GBE1: variants seen among roughly 807,000 people sequenced by gnomAD.
GBE1 encodes the protein 1,4-alpha-glucan-branching enzyme.
Under a neutral mutation model 88.8 loss-of-function variants are expected in GBE1, and 70 were observed. That is an observed-to-expected ratio of 0.79 (90% CI 0.65 to 0.96). GBE1 has a LOEUF of 0.96. Ranked by LOEUF, GBE1 falls within the 40% of genes least tolerant of loss-of-function variation. The probability of loss-of-function intolerance (pLI) is 0.00; values close to 1 mark genes in which losing one functional copy is unlikely to be tolerated. For synonymous variants in GBE1, 284 were observed against 300.1 expected (o/e 0.95, Z 0.56); for missense variants, 872 against 871.0 (o/e 1.00, Z -0.01).
chr3:81,750,597 ATATG>A lies in GBE1; in HGVS notation c.143+10774_143+10777del, dbSNP rs1463189610. Among the ~76,000 whole-genome samples the A allele has an allele frequency of 2.8e-4, 11 of 39,764 alleles. 1 individual carries two copies. Among genetic ancestry groups the A allele is most frequent in the African/African-American group, 7.9e-4 (7 of 8,846 alleles). 26.1% of individuals were successfully genotyped at this position (39,764 alleles called of 152,430 possible). ...TATACGTATATATATACGTATATAT[ATATG>A]TGTATATATATATATGTATATATAT... On this transcript the variant is annotated intron_variant, in intron 1 of 15. Coordinates refer to ENST00000429644, the MANE Select transcript of GBE1 (RefSeq NM_000158.4).
rs1212545652 is a variant in GBE1, at chr3:81,591,107, G to A, written c.1166C>T (p.Ala389Val). 1 of 1,608,286 alleles carries A rather than the reference G, an allele frequency of 6.2e-7. No individual in the cohort carries two copies. The highest frequency in any genetic ancestry group is 8.5e-7 in the Non-Finnish European group (1 of 1,176,762). The change falls in exon 9 of 16, where the codon GCC (alanine) becomes GTC (valine). Residue 389 changes from alanine (A) to valine (V), a missense_variant. Physicochemically the swap from Ala to Val is moderately conservative, Grantham distance 64. Coordinates refer to ENST00000429644, the MANE Select transcript of GBE1 (RefSeq NM_000158.4). The stretch of plus-strand genomic sequence containing the variant: ...ATTTGCCAACATGAGGTAAGTCAAG[G>A]CATCTTCATCTACTTGTAGTCCGAA... Reference protein sequence around the residue: ...EYFGLQVDEDALTYLMLANHL... With the variant: ...EYFGLQVDEDVLTYLMLANHL...
At chr3:81,543,542 G>A (rs1178076250) in intron 12 of GBE1, among the ~76,000 whole-genome samples, 4 of 152,094 alleles carry the variant, frequency 2.6e-5, no homozygotes, top group African/African-American at 9.7e-5. Context: ...GAAAATGCCT[G>A]TTAGTATCTT....
At chr3:81,600,055 C>T (rs866991156) in intron 7 of GBE1, among the ~76,000 whole-genome samples, 4 of 152,054 alleles carry the variant, frequency 2.6e-5, no homozygotes, top group South Asian at 2.1e-4. Context: ...GGGTGGATCA[C>T]GAGGTCAAGA....
chr3:81,750,605 A>ATATATATACGTATATATATGTG (rs1706500449), intron 1 of GBE1, among the ~76,000 whole-genome samples: 1 of 35,540 alleles, frequency 2.8e-5, no homozygotes. Context: ...ATATATGTGT[A>ATATATATACGTATATATATGTG]TATATATATA....
chr3:81,632,847 G>T (rs778100162), intron 7 of GBE1, among the ~76,000 whole-genome samples: 3 of 152,024 alleles, frequency 2.0e-5, no homozygotes, highest in Non-Finnish European at 4.4e-5. Context: ...ATGCCCAGAG[G>T]GACAATTACA....
At chr3:81,723,261 G>T (rs112763317) in intron 1 of GBE1, among the ~76,000 whole-genome samples, 6,080 of 73,262 alleles carry the variant, frequency 0.083, 224 homozygotes, top group East Asian at 0.19. Flanking sequence ...AAGTTGTTTT[G>T]TTTTTTTTTT....
At chr3:81,523,506 C>T (rs377404911) in intron 14 of GBE1, among the ~76,000 whole-genome samples, 2 of 151,576 alleles carry the variant, frequency 1.3e-5, no homozygotes, top group Non-Finnish European at 3.0e-5. Flanking sequence ...ATTCCTATTA[C>T]ACTTTTAGTT....
chr3:81,745,845 TACAA>T (rs1350542807), intron 1 of GBE1, among the ~76,000 whole-genome samples: 1 of 152,162 alleles, frequency 6.6e-6, no homozygotes, highest in Non-Finnish European at 1.5e-5. Flanking sequence ...CAAATAAACG[TACAA>T]ACAACTTCCA....
At chr3:81,748,542 C>T (rs1186821619) in intron 1 of GBE1, among the ~76,000 whole-genome samples, 1 of 151,892 alleles carries the variant, frequency 6.6e-6, no homozygotes, top group Non-Finnish European at 1.5e-5. Flanking sequence ...ACCCGGGAGG[C>T]GGAGCTTGCA....
chr3:81,743,604 A>G (rs1366142556), intron 1 of GBE1: 2 of 1,535,172 alleles, frequency 1.3e-6, no homozygotes, highest in South Asian at 2.4e-5. Flanking sequence ...AACAGCTGTT[A>G]ATCTGGGCCG....
In GBE1 at chr3:81,743,807, G is replaced by C. The variant is rs1346612086; in HGVS notation, c.143+17568C>G. Among the ~76,000 whole-genome samples the C allele has an allele frequency of 2.0e-5, 3 of 152,066 alleles. No individual in the cohort carries two copies. The East Asian group carries it at 5.8e-4, about 29-fold the overall frequency. On this transcript the variant is annotated intron_variant, in intron 1 of 15. Transcript: ENST00000429644. The stretch of plus-strand genomic sequence containing the variant: ...TAGCATTAAAAAAAGACATGAATAA[G>C]AATTACCTCAATGAAAAGGTCAACG...
rs1414030114 is a variant in GBE1, at chr3:81,614,623, G to A, written c.993-20600C>T. The stretch of plus-strand genomic sequence containing the variant: ...GCCTATAATCCCAGCACTTTGGGAG[G>A]CTGAGGTGGGCAGATCACAAGGTCA... On this transcript the variant is annotated intron_variant, in intron 7 of 15. Coordinates refer to ENST00000429644, the MANE Select transcript of GBE1 (RefSeq NM_000158.4). Among the ~76,000 whole-genome samples, 3 of 152,130 alleles carry A rather than the reference G, an allele frequency of 2.0e-5. No homozygotes were observed. In the East Asian group the frequency reaches 5.8e-4, roughly 29 times the overall value.
intron 1 of GBE1, among the ~76,000 whole-genome samples, chr3:81,740,285 A>G (rs201815613): frequency 2.1e-5 from 1 of 48,394 alleles, no homozygotes; most frequent in South Asian, 5.2e-4. Flanking sequence ...TTTATTATTT[A>G]ATCTATTCTT....
chr3:81,727,409 T>C (rs1706129529), intron 1 of GBE1, among the ~76,000 whole-genome samples: 1 of 152,180 alleles, frequency 6.6e-6, no homozygotes, highest in Admixed American at 6.5e-5. Context: ...AAGGCATTCC[T>C]AGAACAGCTA....
Position 81,550,321 on chromosome 3 carries a change from T to C in GBE1, c.1619-13226A>G, listed in dbSNP as rs978406366. Among the ~76,000 whole-genome samples, 5 of 151,394 alleles carry C rather than the reference T, an allele frequency of 3.3e-5. 1 individual carries two copies. Among genetic ancestry groups the C allele is most frequent in the Non-Finnish European group, 7.4e-5 (5 of 67,596 alleles). On this transcript the variant is annotated intron_variant, in intron 12 of 15. Coordinates refer to ENST00000429644, the MANE Select transcript of GBE1 (RefSeq NM_000158.4). ...CGAATGGCTATCACCATACCAATGC[T>C]TTCTGACTGAGCTCCTCTCTACCCT...
intron 2 of GBE1, among the ~76,000 whole-genome samples, chr3:81,686,039 G>GT (rs1339474916): frequency 6.6e-6 from 1 of 152,102 alleles, no homozygotes; most frequent in African/African-American, 2.4e-5. Flanking sequence ...GAAACTCCTG[G>GT]TTCCCCCTCC....
At chr3:81,503,244 G>A (rs1421732850) in intron 14 of GBE1, among the ~76,000 whole-genome samples, 1 of 152,146 alleles carries the variant, frequency 6.6e-6, no homozygotes, top group Admixed American at 6.6e-5. Flanking sequence ...AGGGAGATTA[G>A]GCATGCATAT....
intron 14 of GBE1, among the ~76,000 whole-genome samples, chr3:81,533,385 T>A (rs1449448953): frequency 2.6e-5 from 4 of 152,080 alleles, no homozygotes; most frequent in Non-Finnish European, 5.9e-5. Context: ...CACAGCGCAT[T>A]CTGTGGGTTA....
At chr3:81,629,018 G>GTTTTTTTTTTTTTT (rs34707682) in intron 7 of GBE1, among the ~76,000 whole-genome samples, 22 of 98,000 alleles carry the variant, frequency 2.2e-4, no homozygotes, top group African/African-American at 6.6e-4. Context: ...TTATGTTTAA[G>GTTTTTTTTTTTTTT]TTTTTTTTTT....
Sources: gnomAD v4.1 joint callset for allele counts (sites outside exome capture counted in the v4.1 genomes callset) on GRCh38, gnomAD v4.1.1 for gene constraint, MANE v1.5 for transcripts, NCBI Gene and HGNC (gene_info 2026-07-23, HGNC 2026-07-21) for gene names.